The following COL6A3 variants were observed in gnomAD, a reference collection of about 807,000 sequenced individuals.
COL6A3 encodes the protein collagen type VI alpha 3 chain.
A neutral mutation model predicts 274.1 loss-of-function variants in COL6A3; 137 were observed. That is an observed-to-expected ratio of 0.50 (90% CI 0.44 to 0.58). The LOEUF is 0.58. Among genes scored for constraint, COL6A3 ranks in the 20% least tolerant of loss-of-function variants. The pLI is 0.00. For missense variants in COL6A3, 3,950 were observed against 4,124.9 expected, an observed-to-expected ratio of 0.96 and a Z score of 1.16; for synonymous variants, 1,650 against 1,650.6, an observed-to-expected ratio of 1.00 and a Z score of 0.01.
rs1385829015 is a variant in COL6A3 at position 237,367,241 on chromosome 2, T to G, written c.4946A>C (p.Asn1649Thr). 1.2e-6 allele frequency: 2 copies of G among 1,613,772 alleles called. No individual in the cohort carries two copies. Among genetic ancestry groups the G allele is most frequent in the African/African-American group, 2.7e-5 (2 of 74,900 alleles). Residue 1649 changes from asparagine (N) to threonine (T), a missense_variant, in exon 11 of 44, where the codon AAC becomes ACC. Physicochemically the swap from Asn to Thr is moderately conservative, Grantham distance 65 (BLOSUM62 0). Around this residue, in one of 5 missense-constraint regions of COL6A3, gnomAD observed 632 missense variants for 623.4 expected, o/e 1.01. Transcript: ENST00000295550. ...DIVFLLDGSI[N>T]FRRDSFQEVL... The stretch of plus-strand genomic sequence containing the variant: ...TTCCTGGAAACTGTCCCTCCTGAAG[T>G]TGATGGAACCATCCAACAGGAACAC...
Position 237,347,405 on chromosome 2 carries a change from C to T in COL6A3, c.7029+402G>A, listed in dbSNP as rs531805764. ...AGGAGCCCATGGCCTTGGCCTGGCT[C>T]GCTTGCAAGCCTAGAGGCTTCAGAA... is the stretch of plus-strand genomic sequence containing the variant. On this transcript the variant is annotated intron_variant, in intron 31 of 43. Coordinates refer to ENST00000295550, the MANE Select transcript of COL6A3 (RefSeq NM_004369.4). Among the ~76,000 whole-genome samples, 24 of 152,316 alleles carry T rather than the reference C, an allele frequency of 1.6e-4. No individual in the cohort carries two copies. The South Asian group carries it at 4.1e-3, about 26-fold the overall frequency.
chr2:237,355,227 G>T, intron 23 of COL6A3: 1 of 428,264 alleles, frequency 2.3e-6, no homozygotes, highest in Admixed American at 3.8e-5. Flanking sequence ...GCAAAATAAT[G>T]ACTCCTTTTG....
Position 237,358,596 on chromosome 2 carries a change from C to T in COL6A3, c.6409-13G>A. The stretch of plus-strand genomic sequence containing the variant: ...GTCCTTTATCACCCTAAAGAAAAAG[C>T]ACAAGTGGATGCTAAAAACTAGATG... On this transcript the variant is annotated splice_polypyrimidine_tract_variant and intron_variant, in intron 20 of 43. Coordinates refer to ENST00000295550, the MANE Select transcript of COL6A3 (RefSeq NM_004369.4). 1 of 1,610,932 alleles carries T rather than the reference C, an allele frequency of 6.2e-7. No homozygotes were observed. Among genetic ancestry groups the T allele is most frequent in the Non-Finnish European group, 8.5e-7 (1 of 1,177,188 alleles).
chr2:237,325,781 C>T, intron 42 of COL6A3, 57 bp from the exon 43 acceptor site: 1 of 1,503,238 alleles, frequency 6.7e-7, no homozygotes, highest in Non-Finnish European at 9.2e-7. Context: ...TACTCGGCTC[C>T]CAGTGCTGGG....
chr2:237,383,262 G>A (rs1251964637), intron 4 of COL6A3, among the ~76,000 whole-genome samples: 1 of 152,226 alleles, frequency 6.6e-6, no homozygotes, highest in African/African-American at 2.4e-5. Context: ...TCTAAGAGAA[G>A]GGTAACATGT....
intron 40 of COL6A3, among the ~76,000 whole-genome samples, chr2:237,335,791 C>G (rs1196502567): frequency 6.6e-6 from 1 of 152,240 alleles, no homozygotes; most frequent in Non-Finnish European, 1.5e-5. Flanking sequence ...TTCTTTCTGT[C>G]TCTCTCACTC....
chr2:237,363,933 C>T (rs866379266), intron 13 of COL6A3, among the ~76,000 whole-genome samples: 2 of 152,126 alleles, frequency 1.3e-5, no homozygotes, highest in Non-Finnish European at 2.9e-5. Flanking sequence ...TCATTGCTTA[C>T]ATTATTTTCT....
At chr2:237,360,194 A>T (rs1202957124) in intron 16 of COL6A3, 35 bp from the exon 17 acceptor site, 1 of 1,604,460 alleles carries the variant, frequency 6.2e-7, no homozygotes. Context: ...TGCAAGCTGG[A>T]GCCCTTCATC....
chr2:237,403,852 C>G (rs1453483422), intron 1 of COL6A3, among the ~76,000 whole-genome samples: 1 of 151,876 alleles, frequency 6.6e-6, no homozygotes, highest in Non-Finnish European at 1.5e-5. Context: ...TTTGCCCCTT[C>G]ACTCTCTAGG....
Position 237,372,069 on chromosome 2 carries a change from C to T in COL6A3, c.3948G>A (p.Leu1316=). 6.2e-7 allele frequency: 1 copy of T among 1,614,072 alleles called. No individual in the cohort carries two copies. Among genetic ancestry groups the T allele is most frequent in the South Asian group, 1.1e-5 (1 of 91,078 alleles). ...TGAAGATGTTCCTGGACACGTACTC[C>T]AGGGCATTGCCCACGTTGATCTGCC... is the stretch of plus-strand genomic sequence containing the variant. The part of the protein sequence containing the change: ...GGRQINVGNA[L]EYVSRNIFKR... Residue 1316 remains leucine (L), a synonymous_variant, in exon 9 of 44, where the codon CTG becomes CTA. Transcript: ENST00000295550.
chr2:237,362,471 T>C (rs187791227), intron 14 of COL6A3, among the ~76,000 whole-genome samples: 63 of 152,358 alleles, frequency 4.1e-4, no homozygotes, highest in African/African-American at 1.5e-3. Flanking sequence ...GCTAAACTAA[T>C]GGTGGGCACA....
rs748407987 is a variant in COL6A3, at chr2:237,350,189, T to C, written c.6837A>G (p.Gly2279=). ...LGRKGEPGEP[G]PKGGIGNRGP... is the part of the protein sequence containing the mutation. ...CCCGGTTCCCGATTCCTCCTTTTGGTCCTGGCTCTCCGGGCTCACCCTAGA... is the reference window on the plus strand; with the variant it reads ...CCCGGTTCCCGATTCCTCCTTTTGGCCCTGGCTCTCCGGGCTCACCCTAGA... Residue 2279 remains glycine (G), a synonymous_variant, in exon 28 of 44, where the codon GGA becomes GGG. Transcript: ENST00000295550. 4 of 1,614,104 alleles carry C rather than the reference T, an allele frequency of 2.5e-6. No homozygotes were observed. The South Asian group carries it at 4.4e-5, about 18-fold the overall frequency.
chr2:237,402,919 C>T (rs1161855199), intron 1 of COL6A3, among the ~76,000 whole-genome samples: 1 of 152,190 alleles, frequency 6.6e-6, no homozygotes, highest in Non-Finnish European at 1.5e-5. Context: ...TTTCCCCATA[C>T]AGCTAATGAA....
rs113448987 is a variant in COL6A3 at position 237,344,996 on chromosome 2, C to T, written c.7163-44G>A. The T allele has an allele frequency of 7.8e-4, 1,251 of 1,614,088 alleles. 15 individuals carry two copies. The African/African-American group carries it at 0.012, about 16-fold the overall frequency. ...GAAGAAAGGGTGAGAGACTACTCTA[C>T]CATGTGAGAATTTCGAATGTAAAAA... is the stretch of plus-strand genomic sequence containing the variant. On this transcript the variant is annotated intron_variant, in intron 34 of 43. Coordinates refer to ENST00000295550, the MANE Select transcript of COL6A3 (RefSeq NM_004369.4). This position sits in a 1 kb window ranked among gnomAD's most constrained non-coding sequence, Gnocchi z 4.8.
intron 3 of COL6A3, among the ~76,000 whole-genome samples, chr2:237,388,907 T>C (rs1283061860): frequency 6.6e-6 from 1 of 152,230 alleles, no homozygotes; most frequent in African/African-American, 2.4e-5. Flanking sequence ...AGGTCTGGGA[T>C]TGGGCAGGAT....
chr2:237,375,306 A>G lies in COL6A3; in HGVS notation c.3071-286T>C, dbSNP rs72986160. ...AGGATGGAAACAGAAGTCAGAGAGG[A>G]GAGAAAGTGCCAAGCTGCTGGCAAT... On this transcript the variant is annotated intron_variant, in intron 7 of 43. Coordinates refer to ENST00000295550, the MANE Select transcript of COL6A3 (RefSeq NM_004369.4). Among the ~76,000 whole-genome samples, 8,227 of 152,168 alleles carry G rather than the reference A, an allele frequency of 0.054. 303 individuals carry two copies. The highest frequency in any genetic ancestry group is 0.078 in the Middle Eastern group (23 of 294).
intron 9 of COL6A3, 148 bp from the exon 10 acceptor site, chr2:237,369,325 T>C (rs1182034955): frequency 8.7e-7 from 1 of 1,147,546 alleles, no homozygotes; most frequent in Non-Finnish European, 1.2e-6. Flanking sequence ...TTTTTGAAAT[T>C]AGCCGTTAAA....
intron 32 of COL6A3, among the ~76,000 whole-genome samples, chr2:237,345,958 T>C (rs2077089954): frequency 6.6e-6 from 1 of 152,220 alleles, no homozygotes; most frequent in African/African-American, 2.4e-5. Flanking sequence ...CCAATTTCAA[T>C]ATTGAGGGAC....
chr2:237,365,535 A>G lies in COL6A3; in HGVS notation c.5838+163T>C, dbSNP rs2077530791. Among the ~76,000 whole-genome samples, 3 of 152,244 alleles carry G rather than the reference A, an allele frequency of 2.0e-5. No homozygotes were observed. The South Asian group carries it at 6.2e-4, about 32-fold the overall frequency. ...GTAAGACTACCAAAATGAGGAAGAC[A>G]GTACATGACATTAGATCAGTTAATA... On this transcript the variant is annotated intron_variant, in intron 12 of 43. Coordinates refer to ENST00000295550, the MANE Select transcript of COL6A3 (RefSeq NM_004369.4).
Sources: gnomAD v4.1 joint callset for allele counts (sites outside exome capture counted in the v4.1 genomes callset) on GRCh38, gnomAD v4.1.1 for gene constraint, gnomAD v4.1.1 regional missense constraint, Gnocchi (gnomAD v3.1) non-coding constraint, MANE v1.5 for transcripts, NCBI Gene and HGNC (gene_info 2026-07-23, HGNC 2026-07-21) for gene names.